The following EFR3A variants were observed in gnomAD, a reference collection of about 807,000 sequenced individuals.
EFR3A encodes protein EFR3 homolog A.
EFR3A carries 76 observed loss-of-function variants against 104.4 expected under a neutral mutation model. The ratio of observed to expected loss-of-function variants is 0.73; its 90% CI spans 0.60 to 0.88. EFR3A has a LOEUF of 0.88. Ranked by LOEUF, EFR3A falls within the 40% of genes least tolerant of loss-of-function variation. The probability of loss-of-function intolerance (pLI) is 0.00; values close to 1 mark genes in which losing one functional copy is unlikely to be tolerated. For synonymous variants in EFR3A, 330 were observed against 330.0 expected (o/e 1.00, Z 0.00); for missense variants, 985 against 1,012.5 (o/e 0.97, Z 0.37).
intron 2 of EFR3A, among the ~76,000 whole-genome samples, chr8:131,942,988 G>A (rs1166928705): frequency 6.6e-6 from 1 of 152,036 alleles, no homozygotes; most frequent in Non-Finnish European, 1.5e-5. Context: ...AAAGGACATG[G>A]GAAATCTTTT....
At chr8:132,010,014 T>C (rs1358722276) in intron 22 of EFR3A, among the ~76,000 whole-genome samples, 2 of 151,986 alleles carry the variant, frequency 1.3e-5, no homozygotes, top group Non-Finnish European at 2.9e-5. Flanking sequence ...AGTTTACATT[T>C]TCAAAGAAAT....
At chr8:131,947,986 GAA>G (rs1818518542) in intron 4 of EFR3A, among the ~76,000 whole-genome samples, 1 of 152,034 alleles carries the variant, frequency 6.6e-6, no homozygotes, top group African/African-American at 2.4e-5. Context: ...ACTTTAAAAA[GAA>G]AATAGTGATA....
chr8:132,011,304 T>C lies in EFR3A; in HGVS notation c.*409T>C, dbSNP rs1822333903. The C allele has an allele frequency of 1.0e-6, 1 of 988,328 alleles. No individual in the cohort carries two copies. The highest frequency in any genetic ancestry group is 1.7e-5 in the African/African-American group (1 of 57,302). 61.2% of individuals were successfully genotyped at this position (988,328 alleles called of 1,614,324 possible). ...TTAGATGTAGAATTTTTGTTGTTGT[T>C]TTCTGCAAAGGCAGATACATTTAAA... On this transcript the variant is annotated 3_prime_UTR_variant, in exon 23 of 23. Coordinates refer to ENST00000254624, the MANE Select transcript of EFR3A (RefSeq NM_015137.6).
At chr8:131,982,216 G>C (rs62521300) in intron 14 of EFR3A, among the ~76,000 whole-genome samples, 1 of 151,764 alleles carries the variant, frequency 6.6e-6, no homozygotes, top group Non-Finnish European at 1.5e-5. Flanking sequence ...TTATGTCCTT[G>C]AACTATATTG....
intron 2 of EFR3A, among the ~76,000 whole-genome samples, chr8:131,943,580 C>A (rs1468078408): frequency 6.6e-6 from 1 of 152,012 alleles, no homozygotes; most frequent in Non-Finnish European, 1.5e-5. Context: ...TTGCCTAGGG[C>A]AGGGTTTCTC....
chr8:131,930,041 T>C (rs535366443), intron 1 of EFR3A, among the ~76,000 whole-genome samples: 1 of 152,260 alleles, frequency 6.6e-6, no homozygotes, highest in African/African-American at 2.4e-5. Context: ...TGATTCAAAC[T>C]GCCCTATAAC....
At chr8:131,940,877 C>A (rs547174416) in intron 2 of EFR3A, among the ~76,000 whole-genome samples, 1 of 152,002 alleles carries the variant, frequency 6.6e-6, no homozygotes, top group Non-Finnish European at 1.5e-5. Context: ...AATTTATGAA[C>A]CAGTGCCAGA....
At chr8:131,997,941 G>C (rs1821581137) in intron 19 of EFR3A, among the ~76,000 whole-genome samples, 1 of 152,066 alleles carries the variant, frequency 6.6e-6, no homozygotes, top group Non-Finnish European at 1.5e-5. Flanking sequence ...GTAGGGGAAA[G>C]ATTCTTGACA....
intron 19 of EFR3A, among the ~76,000 whole-genome samples, chr8:131,999,476 A>G (rs1373815361): frequency 3.9e-5 from 6 of 152,226 alleles, no homozygotes; most frequent in Non-Finnish European, 7.3e-5. Flanking sequence ...GTTGTAGATC[A>G]TAGATAAAGC....
intron 8 of EFR3A, among the ~76,000 whole-genome samples, chr8:131,966,550 A>AG (rs766765214): frequency 6.6e-5 from 10 of 152,274 alleles, no homozygotes; most frequent in Non-Finnish European, 8.8e-5. Context: ...GCTTTATACA[A>AG]ATTAACTCAT....
chr8:131,984,966 T>G lies in EFR3A; in HGVS notation c.1775T>G (p.Phe592Cys), dbSNP rs1820803240. The G allele has an allele frequency of 1.9e-6, 3 of 1,613,478 alleles. No individual in the cohort carries two copies. Among genetic ancestry groups the G allele is most frequent in the African/African-American group, 2.7e-5 (2 of 74,912 alleles). ...AIINEDNLPM[F>C]HRCGIMALVA... ...ATCAATGAGGATAATTTGCCAATGT[T>G]CCATCGTTGTGGAATCATGGCACTG... Residue 592 changes from phenylalanine (F) to cysteine (C), a missense_variant, in exon 16 of 23, where the codon TTC (phenylalanine) becomes TGC (cysteine). Phe to Cys is a radical substitution (Grantham distance 205, BLOSUM62 -2). Transcript: ENST00000254624.
chr8:131,987,919 C>A (rs1057217924), intron 18 of EFR3A, among the ~76,000 whole-genome samples: 5 of 151,988 alleles, frequency 3.3e-5, no homozygotes, highest in Admixed American at 3.3e-4. Flanking sequence ...TTACCAGGAG[C>A]AAATCAAGTC....
intron 18 of EFR3A, among the ~76,000 whole-genome samples, chr8:131,991,438 A>T (rs1243780983): frequency 6.6e-6 from 1 of 152,184 alleles, no homozygotes; most frequent in Non-Finnish European, 1.5e-5. Flanking sequence ...TGGTAGAAGG[A>T]TAGAGTTTTT....
intron 1 of EFR3A, among the ~76,000 whole-genome samples, chr8:131,906,910 A>T (rs79972548): frequency 0.021 from 3,228 of 152,296 alleles, 58 homozygotes; most frequent in Middle Eastern, 0.044. Flanking sequence ...GAAGCGTTTT[A>T]TTTGAAAGAT....
At chr8:132,006,583 A>G (rs1359861747) in intron 22 of EFR3A, among the ~76,000 whole-genome samples, 1 of 152,098 alleles carries the variant, frequency 6.6e-6, no homozygotes, top group Non-Finnish European at 1.5e-5. Flanking sequence ...TTCACTGCTT[A>G]CTTTTATCAT....
chr8:131,928,329 G>T (rs1817409564), intron 1 of EFR3A, among the ~76,000 whole-genome samples: 1 of 152,082 alleles, frequency 6.6e-6, no homozygotes, highest in Non-Finnish European at 1.5e-5. Context: ...CTAAATGAAG[G>T]GTGGGGTTTC....
chr8:131,931,637 CATTTT>C (rs1255570521), intron 1 of EFR3A, among the ~76,000 whole-genome samples: 1 of 151,972 alleles, frequency 6.6e-6, no homozygotes, highest in African/African-American at 2.4e-5. Flanking sequence ...ATGTAGTAGA[CATTTT>C]ATAAAACATT....
At chr8:131,909,118 C>T (rs1310294804) in intron 1 of EFR3A, among the ~76,000 whole-genome samples, 1 of 152,226 alleles carries the variant, frequency 6.6e-6, no homozygotes, top group African/African-American at 2.4e-5. Flanking sequence ...TATTAACCAA[C>T]CTCTCTTCAT....
At chr8:131,958,697 A>G (rs546193934) in intron 7 of EFR3A, among the ~76,000 whole-genome samples, 1 of 152,242 alleles carries the variant, frequency 6.6e-6, no homozygotes, top group South Asian at 2.1e-4. Flanking sequence ...AGGTCATATC[A>G]GGATGTGCTG....
Sources: allele counts gnomAD v4.1 joint callset (sites outside exome capture counted in the v4.1 genomes callset), GRCh38; gene constraint gnomAD v4.1.1; transcripts MANE v1.5; gene names NCBI Gene and HGNC (gene_info 2026-07-23, HGNC 2026-07-21).